MAGI1: variants seen among roughly 807,000 people sequenced by gnomAD.
MAGI1 encodes membrane-associated guanylate kinase, WW and PDZ domain-containing protein 1.
A neutral mutation model predicts 139.9 loss-of-function variants in MAGI1; 58 were observed. The ratio of observed to expected loss-of-function variants is 0.41; its 90% CI spans 0.34 to 0.52. The LOEUF (loss-of-function observed/expected upper bound fraction) is 0.52, where lower values mean the gene tolerates loss of function less well. MAGI1 is among the 20% of genes least tolerant of loss of function. The pLI is 0.12. For missense variants in MAGI1, 1,874 were observed against 1,901.6 expected (o/e 0.99, Z 0.27); for synonymous variants, 812 against 737.9 (o/e 1.10, Z -1.63).
chr3:65,416,283 A>C (rs1210536068), intron 12 of MAGI1, among the ~76,000 whole-genome samples: 1 of 152,214 alleles, frequency 6.6e-6, no homozygotes, highest in East Asian at 1.9e-4. Flanking sequence ...AATGCTAGGG[A>C]AAGAAAGGGA....
chr3:65,721,838 TG>T (rs1010214894), intron 1 of MAGI1, among the ~76,000 whole-genome samples: 18 of 135,178 alleles, frequency 1.3e-4, no homozygotes, highest in Non-Finnish European at 2.1e-4. Context: ...TTTTGTTTTT[TG>T]TTTTTTTTTT....
At chr3:65,883,081 C>A (rs2060397452) in intron 1 of MAGI1, among the ~76,000 whole-genome samples, 1 of 152,166 alleles carries the variant, frequency 6.6e-6, no homozygotes, top group African/African-American at 2.4e-5. Flanking sequence ...CCATTTATCT[C>A]CCCAGTTTCT....
At chr3:65,781,195 C>CAA (rs11375080) in intron 1 of MAGI1, among the ~76,000 whole-genome samples, 9 of 140,956 alleles carry the variant, frequency 6.4e-5, no homozygotes, top group African/African-American at 1.5e-4. Flanking sequence ...GATTCTGTCT[C>CAA]AAAAAAAAAA....
chr3:65,865,654 G>C (rs2059700078), intron 1 of MAGI1, among the ~76,000 whole-genome samples: 1 of 152,126 alleles, frequency 6.6e-6, no homozygotes. Context: ...GTTTTGTTTT[G>C]TTTGCGATGG....
At chr3:65,825,356 T>G (rs891643838) in intron 1 of MAGI1, among the ~76,000 whole-genome samples, 5 of 152,212 alleles carry the variant, frequency 3.3e-5, no homozygotes, top group African/African-American at 1.2e-4. Context: ...ACCTAAGCAG[T>G]GGTTGTGCTG....
intron 1 of MAGI1, among the ~76,000 whole-genome samples, chr3:65,685,461 T>C (rs942806193): frequency 2.6e-5 from 4 of 152,214 alleles, no homozygotes; most frequent in Admixed American, 1.3e-4. Flanking sequence ...ATCGTTTTCA[T>C]ATTCCAGTGT....
At chr3:65,761,369 A>C (rs1350251916) in intron 1 of MAGI1, among the ~76,000 whole-genome samples, 2 of 152,202 alleles carry the variant, frequency 1.3e-5, no homozygotes, top group Non-Finnish European at 2.9e-5. Flanking sequence ...AGTCAAATGA[A>C]GAATACTGTT....
chr3:65,825,942 C>A (rs185323618), intron 1 of MAGI1, among the ~76,000 whole-genome samples: 14 of 152,046 alleles, frequency 9.2e-5, no homozygotes, highest in Non-Finnish European at 1.8e-4. Flanking sequence ...GAGCCAAGAT[C>A]GTGCCACGCA....
At chr3:65,533,486 T>C (rs183599268) in intron 2 of MAGI1, among the ~76,000 whole-genome samples, 2 of 152,348 alleles carry the variant, frequency 1.3e-5, no homozygotes, top group East Asian at 3.9e-4. Context: ...CAATCATTAC[T>C]TTAGTGTTGT....
intron 1 of MAGI1, among the ~76,000 whole-genome samples, chr3:65,986,422 C>T (rs923187445): frequency 1.3e-5 from 2 of 152,124 alleles, no homozygotes; most frequent in African/African-American, 4.8e-5. Context: ...TGAATCAGGG[C>T]CAATTGCTAA....
intron 1 of MAGI1, among the ~76,000 whole-genome samples, chr3:65,649,972 C>T (rs960004608): frequency 4.6e-5 from 7 of 152,176 alleles, no homozygotes; most frequent in African/African-American, 1.7e-4. Flanking sequence ...ACACAACTAC[C>T]ATTTGACCCA....
At chr3:65,799,436 G>C (rs2040373116) in intron 1 of MAGI1, among the ~76,000 whole-genome samples, 1 of 152,206 alleles carries the variant, frequency 6.6e-6, no homozygotes, top group Admixed American at 6.5e-5. Flanking sequence ...GCAGATTCAA[G>C]ATAAGCTTGT....
chr3:65,454,179 A>T (rs1426602779), intron 5 of MAGI1, among the ~76,000 whole-genome samples: 1 of 152,208 alleles, frequency 6.6e-6, no homozygotes, highest in Non-Finnish European at 1.5e-5. Context: ...GGCACCATGC[A>T]GCTAAGTGGG....
chr3:65,687,953 G>A (rs1389451674), intron 1 of MAGI1: 1 of 729,672 alleles, frequency 1.4e-6, no homozygotes, highest in African/African-American at 1.8e-5. Flanking sequence ...ATGGCTCTCA[G>A]TTCACAGTTA....
intron 5 of MAGI1, among the ~76,000 whole-genome samples, chr3:65,454,206 A>T (rs559758593): frequency 6.6e-6 from 1 of 152,346 alleles, no homozygotes; most frequent in African/African-American, 2.4e-5. Flanking sequence ...AAACAACTCC[A>T]GTCCAGTAGT....
chr3:65,723,750 T>C (rs758522276), intron 1 of MAGI1, among the ~76,000 whole-genome samples: 1 of 152,230 alleles, frequency 6.6e-6, no homozygotes, highest in African/African-American at 2.4e-5. Context: ...ATTAGTACTT[T>C]TGACATGTAA....
At chr3:65,688,262 C>T (rs2088245300) in intron 1 of MAGI1, 2 of 852,036 alleles carry the variant, frequency 2.3e-6, no homozygotes, top group Non-Finnish European at 3.9e-6. Context: ...TCTGAATCCT[C>T]TCACATGGTG....
chr3:65,821,068 T>C (rs958687280), intron 1 of MAGI1, among the ~76,000 whole-genome samples: 2 of 151,828 alleles, frequency 1.3e-5, no homozygotes, highest in African/African-American at 4.8e-5. Flanking sequence ...GTAGTTAAAG[T>C]AAATCTAGGA....
intron 1 of MAGI1, among the ~76,000 whole-genome samples, chr3:65,940,788 CA>C (rs1371559884): frequency 1.3e-5 from 2 of 152,158 alleles, no homozygotes; most frequent in Non-Finnish European, 2.9e-5. Context: ...AATCCAGAGG[CA>C]ACCCACAAGG....
Sources: gnomAD v4.1 joint callset for allele counts (sites outside exome capture counted in the v4.1 genomes callset) on GRCh38, gnomAD v4.1.1 for gene constraint, MANE v1.5 for transcripts, NCBI Gene and HGNC (gene_info 2026-07-23, HGNC 2026-07-21) for gene names.